SLIT2: variants seen among roughly 807,000 people sequenced by gnomAD.
SLIT2 encodes the protein slit homolog 2 protein.
A neutral mutation model predicts 185.7 loss-of-function variants in SLIT2; 41 were observed. That is an observed-to-expected ratio of 0.22 (90% CI 0.17 to 0.29). SLIT2 has a LOEUF of 0.29. SLIT2 is among the 10% of genes least tolerant of loss of function. SLIT2 has a pLI of 1.00. For synonymous variants in SLIT2, 693 were observed against 680.2 expected (o/e 1.02, Z -0.29); for missense variants, 1,571 against 1,909.0 (o/e 0.82, Z 3.30).
At chr4:20,579,231 G>A (rs533558633) in intron 29 of SLIT2, among the ~76,000 whole-genome samples, 3 of 151,742 alleles carry the variant, frequency 2.0e-5, no homozygotes, top group Non-Finnish European at 2.9e-5. Flanking sequence ...CCCAGGAGGC[G>A]GAGGTTACAC....
intron 4 of SLIT2, among the ~76,000 whole-genome samples, chr4:20,358,431 A>T (rs757491247): frequency 3.9e-5 from 6 of 152,180 alleles, no homozygotes. Context: ...TCTTACTCAC[A>T]TCAGGCACGC....
rs1195621837 is a variant in SLIT2 at position 20,618,779 on chromosome 4, C to G, written c.4360C>G (p.Arg1454Gly). The part of the protein sequence containing the change: ...GDSCDREISC[R>G]GERIRDYYQK... ...TTGTTCTTTTCTAGAAATCTCTTGT[C>G]GAGGGGAAAGGATAAGAGATTATTA... Residue 1454 changes from arginine to glycine, a missense_variant, in exon 37 of 37, where the codon CGA becomes GGA. Arg to Gly is a moderately radical substitution (Grantham distance 125). Around this residue, in one of 3 missense-constraint regions of SLIT2, gnomAD observed 223 missense variants for 245.2 expected, o/e 0.91. Coordinates refer to ENST00000504154, the MANE Select transcript of SLIT2 (RefSeq NM_004787.4). 6.3e-7 allele frequency: 1 copy of G among 1,584,126 alleles called. No homozygotes were observed. Among genetic ancestry groups the G allele is most frequent in the Non-Finnish European group, 8.6e-7 (1 of 1,157,822 alleles).
chr4:20,540,129 C>CA (rs1204447337), intron 19 of SLIT2, among the ~76,000 whole-genome samples: 4 of 150,184 alleles, frequency 2.7e-5, no homozygotes, highest in East Asian at 2.0e-4. Context: ...ACTAAAAATA[C>CA]AAAAAAAAAT....
In SLIT2 at chr4:20,319,962, G is replaced by A. The variant is rs189580404; in HGVS notation, c.395+51081G>A. Among the ~76,000 whole-genome samples the A allele has an allele frequency of 2.0e-3, 311 of 152,108 alleles. 2 individuals carry two copies. The highest frequency in any genetic ancestry group is 7.2e-3 in the African/African-American group (298 of 41,504). On this transcript the variant is annotated intron_variant, in intron 4 of 36. Coordinates refer to ENST00000504154, the MANE Select transcript of SLIT2 (RefSeq NM_004787.4). ...CATGACTACCCAGCAGATCTCCGAC[G>A]CCCGTGAGAGTCCTTAGAGCTGTCC...
rs932035927 is a variant in SLIT2 at position 20,542,483 on chromosome 4, C to T, written c.2144-11C>T. 6.2e-7 allele frequency: 1 copy of T among 1,612,746 alleles called. No homozygotes were observed. The highest frequency in any genetic ancestry group is 8.5e-7 in the Non-Finnish European group (1 of 1,179,272). ...AAATCTTGGTTTTCCTGTATTTCCTCTGCGATTTAGGAAATGATGACAATA... is the reference window on the plus strand; with the variant it reads ...AAATCTTGGTTTTCCTGTATTTCCTTTGCGATTTAGGAAATGATGACAATA... On this transcript the variant is annotated splice_polypyrimidine_tract_variant and intron_variant, in intron 20 of 36. Coordinates refer to ENST00000504154, the MANE Select transcript of SLIT2 (RefSeq NM_004787.4).
intron 4 of SLIT2, among the ~76,000 whole-genome samples, chr4:20,386,082 A>G (rs1005690176): frequency 2.0e-5 from 3 of 152,150 alleles, no homozygotes; most frequent in Non-Finnish European, 2.9e-5. Flanking sequence ...AAATGCCATA[A>G]TGTGTATGAT....
chr4:20,358,031 T>A (rs1056158691), intron 4 of SLIT2, among the ~76,000 whole-genome samples: 2 of 152,168 alleles, frequency 1.3e-5, no homozygotes, highest in African/African-American at 4.8e-5. Flanking sequence ...TAACATTCAC[T>A]TTAATTTAAA....
intron 30 of SLIT2, among the ~76,000 whole-genome samples, chr4:20,590,485 T>C (rs936883129): frequency 6.6e-6 from 1 of 152,192 alleles, no homozygotes; most frequent in Non-Finnish European, 1.5e-5. Flanking sequence ...AGAGTGACCA[T>C]ATATCTCAGG....
intron 4 of SLIT2, among the ~76,000 whole-genome samples, chr4:20,348,056 G>A (rs1721569896): frequency 6.6e-6 from 1 of 152,218 alleles, no homozygotes; most frequent in African/African-American, 2.4e-5. Flanking sequence ...TAAAAAGGGT[G>A]TGTACCAACA....
At position 20,255,107 on chromosome 4, in the gene SLIT2, C is replaced by G. The variant is rs1000067918; in HGVS notation, c.179+1113C>G. The stretch of plus-strand genomic sequence containing the variant: ...TCCGCTCTCGCGGTTGCGTGTGGGC[C>G]GGGAGTAAGCGAAGGGCGCGGGGCT... On this transcript the variant is annotated intron_variant, in intron 1 of 36. Transcript: ENST00000504154. 36 of 453,978 alleles carry G rather than the reference C, an allele frequency of 7.9e-5. 1 individual carries two copies. Among genetic ancestry groups the G allele is most frequent in the Non-Finnish European group, 1.3e-4 (30 of 225,964 alleles). 28.1% of individuals were successfully genotyped at this position (453,978 alleles called of 1,614,324 possible).
intron 4 of SLIT2, among the ~76,000 whole-genome samples, chr4:20,434,354 C>T (rs1433255568): frequency 2.0e-5 from 3 of 152,008 alleles, no homozygotes; most frequent in Non-Finnish European, 2.9e-5. Context: ...GGCGTGGTGG[C>T]GCATGCCTGT....
At chr4:20,324,708 A>T (rs1560318111) in intron 4 of SLIT2, among the ~76,000 whole-genome samples, 1 of 152,154 alleles carries the variant, frequency 6.6e-6, no homozygotes, top group Non-Finnish European at 1.5e-5. Context: ...ATTCCATAAT[A>T]TATATACTTC....
At position 20,464,373 on chromosome 4, in the gene SLIT2, C is replaced by T. The variant is rs146537891; in HGVS notation, c.396-3379C>T. The stretch of plus-strand genomic sequence containing the variant: ...TCTGCTGAAATAAGGATGCATTCCC[C>T]AGTTGGTATGAAAAAATCTGAAACT... On this transcript the variant is annotated intron_variant, in intron 4 of 36. Transcript: ENST00000504154. Among the ~76,000 whole-genome samples the T allele has an allele frequency of 6.1e-4, 93 of 152,218 alleles. 1 individual carries two copies. The highest frequency in any genetic ancestry group is 2.1e-3 in the African/African-American group (88 of 41,528).
At chr4:20,553,097 G>T (rs759017821) in intron 25 of SLIT2, among the ~76,000 whole-genome samples, 4 of 152,150 alleles carry the variant, frequency 2.6e-5, no homozygotes, top group Non-Finnish European at 4.4e-5. Flanking sequence ...ACAGCACCCA[G>T]TGCAGGTCCA....
At chr4:20,392,258 A>G (rs1482109943) in intron 4 of SLIT2, 2 of 152,220 alleles carry the variant, frequency 1.3e-5, no homozygotes, top group East Asian at 1.9e-4. Context: ...CAATTTTAAC[A>G]CAATGGTAAG....
At chr4:20,309,677 C>G (rs914234582) in intron 4 of SLIT2, among the ~76,000 whole-genome samples, 1 of 151,436 alleles carries the variant, frequency 6.6e-6, no homozygotes, top group East Asian at 1.9e-4. Flanking sequence ...TAAAAATCTA[C>G]TGTGATAACC....
intron 4 of SLIT2, among the ~76,000 whole-genome samples, chr4:20,410,496 C>T (rs1376516749): frequency 2.6e-5 from 4 of 151,572 alleles, no homozygotes; most frequent in East Asian, 3.9e-4. Context: ...CTAGGTGATC[C>T]GCCCACCTCG....
intron 4 of SLIT2, among the ~76,000 whole-genome samples, chr4:20,463,480 TATATATATATATG>T: frequency 9.6e-6 from 1 of 104,550 alleles, no homozygotes; most frequent in South Asian, 3.3e-4. Context: ...TATATATATA[TATATATATATATG>T]TGTGTGTGCG....
rs141485155 is a variant in SLIT2 at position 20,595,823 on chromosome 4, C to A, written c.3309C>A (p.Pro1103=). Residue 1103 remains proline, a synonymous_variant, in exon 31 of 37, where the codon CCC becomes CCA. Coordinates refer to ENST00000504154, the MANE Select transcript of SLIT2 (RefSeq NM_004787.4). ...DAVNGYTCIC[P]EGYSGLFCEF... is the part of the protein sequence containing the mutation. ...TGAACGGCTATACGTGCATATGCCC[C>A]GAAGGTTACAGGTAAAAGCAGAAAT... The A allele has an allele frequency of 1.2e-6, 2 of 1,613,262 alleles. No individual in the cohort carries two copies. The highest frequency in any genetic ancestry group is 1.7e-6 in the Non-Finnish European group (2 of 1,179,538).
Sources: gnomAD v4.1 joint callset for allele counts (sites outside exome capture counted in the v4.1 genomes callset) on GRCh38, gnomAD v4.1.1 for gene constraint, gnomAD v4.1.1 regional missense constraint, MANE v1.5 for transcripts, NCBI Gene and HGNC (gene_info 2026-07-23, HGNC 2026-07-21) for gene names.